Variants in SUGCT observed in about 807,000 individuals in gnomAD.
SUGCT encodes succinyl-CoA:glutarate CoA-transferase.
A neutral mutation model predicts 55.0 loss-of-function variants in SUGCT; 41 were observed. The observed-to-expected ratio is 0.74, with a 90% confidence interval of 0.58 to 0.97. SUGCT has a LOEUF of 0.97. SUGCT is among the 50% of genes least tolerant of loss of function. SUGCT has a pLI of 0.00. For missense variants in SUGCT, 568 were observed against 547.8 expected, an observed-to-expected ratio of 1.04 and a Z score of -0.37; for synonymous variants, 187 against 200.4, an observed-to-expected ratio of 0.93 and a Z score of 0.56.
intron 11 of SUGCT, among the ~76,000 whole-genome samples, chr7:40,491,683 A>G (rs1006863989): frequency 6.6e-6 from 1 of 152,100 alleles, no homozygotes; most frequent in South Asian, 2.1e-4. Flanking sequence ...CAAATATCCA[A>G]AGCAGTATTT....
chr7:40,763,272 A>G (rs1242899321), intron 13 of SUGCT, among the ~76,000 whole-genome samples: 1 of 152,142 alleles, frequency 6.6e-6, no homozygotes, highest in African/African-American at 2.4e-5. Context: ...GGAGTATTTA[A>G]TCAGCACATG....
At chr7:40,963,574 T>C in the SUGCT span, among the ~76,000 whole-genome samples, 10,110 of 152,282 alleles carry the variant, frequency 0.066, 372 homozygotes, top group South Asian at 0.16. Flanking sequence ...GAAAGCTCTG[T>C]TAAATTAAAT....
rs1460376386 is a variant in SUGCT, at chr7:40,326,457, G to A, written c.816+9602G>A. On this transcript the variant is annotated intron_variant, in intron 9 of 13. Coordinates refer to ENST00000335693, the MANE Select transcript of SUGCT (RefSeq NM_001193313.2). ...GAAAACTACCCATAGAAGCTTAGGG[G>A]CAGAGTAAATAAATAAACAGAGCTG... 3.9e-5 allele frequency among the ~76,000 whole-genome samples: 6 copies of A among 152,096 alleles called. 1 individual carries two copies. The highest frequency in any genetic ancestry group is 1.9e-4 in the East Asian group (1 of 5,188).
At chr7:40,445,167 T>C (rs1026565228) in intron 9 of SUGCT, among the ~76,000 whole-genome samples, 1 of 151,770 alleles carries the variant, frequency 6.6e-6, no homozygotes, top group Non-Finnish European at 1.5e-5. Context: ...CTGAAGGAGA[T>C]AGAGACACAA....
intron 9 of SUGCT, among the ~76,000 whole-genome samples, chr7:40,369,639 A>T (rs531387716): frequency 3.9e-5 from 6 of 152,236 alleles, no homozygotes; most frequent in Admixed American, 2.0e-4. Flanking sequence ...TCCCAATTAT[A>T]CCATTTAAGA....
intron 1 of SUGCT, among the ~76,000 whole-genome samples, chr7:40,155,284 C>CA (rs35923575): frequency 0.1 from 10,161 of 100,054 alleles, 1,048 homozygotes; most frequent in African/African-American, 0.3. Flanking sequence ...GACCCCATCT[C>CA]AAAAAAAAAA....
At chr7:40,305,042 CATT>C (rs1331757900) in intron 8 of SUGCT, among the ~76,000 whole-genome samples, 1 of 152,184 alleles carries the variant, frequency 6.6e-6, no homozygotes, top group Non-Finnish European at 1.5e-5. Flanking sequence ...AAGATTCCCT[CATT>C]GTTCCTTAAG....
rs192805443 is a variant in SUGCT, at chr7:40,368,230, G to A, written c.816+51375G>A. Among the ~76,000 whole-genome samples, 417 of 152,066 alleles carry A rather than the reference G, an allele frequency of 2.7e-3. 12 individuals carry two copies. The South Asian group carries it at 0.058, about 21-fold the overall frequency. Reference sequence around the variant, plus strand: ...TTATTTATTTTTGAGATGGAGTGTTGCACTGTCGCCTGGGCTGGAGTACAA... The same window carrying A: ...TTATTTATTTTTGAGATGGAGTGTTACACTGTCGCCTGGGCTGGAGTACAA... On this transcript the variant is annotated intron_variant, in intron 9 of 13. Coordinates refer to ENST00000335693, the MANE Select transcript of SUGCT (RefSeq NM_001193313.2).
At chr7:40,269,642 G>A (rs978651506) in intron 7 of SUGCT, among the ~76,000 whole-genome samples, 1 of 151,920 alleles carries the variant, frequency 6.6e-6, no homozygotes, top group Non-Finnish European at 1.5e-5. Context: ...TTAAAAAATG[G>A]GATTATTTGT....
chr7:40,543,774 C>G (rs1378882120), intron 12 of SUGCT, among the ~76,000 whole-genome samples: 1 of 152,134 alleles, frequency 6.6e-6, no homozygotes, highest in Non-Finnish European at 1.5e-5. Context: ...TTGTGATGTT[C>G]AAATGGAACT....
intron 9 of SUGCT, among the ~76,000 whole-genome samples, chr7:40,340,853 A>G (rs372698191): frequency 3.9e-5 from 6 of 152,232 alleles, no homozygotes; most frequent in African/African-American, 9.6e-5. Context: ...TGGAAACTCA[A>G]TGAATTCTTC....
intron 6 of SUGCT, among the ~76,000 whole-genome samples, chr7:40,198,861 G>T (rs939958499): frequency 2.6e-5 from 4 of 152,084 alleles, no homozygotes; most frequent in Non-Finnish European, 5.9e-5. Flanking sequence ...GCTGGGTATG[G>T]TGGGTGACTA....
intron 12 of SUGCT, among the ~76,000 whole-genome samples, chr7:40,673,841 T>C (rs1802059871): frequency 6.6e-6 from 1 of 152,232 alleles, no homozygotes; most frequent in Non-Finnish European, 1.5e-5. Context: ...ATTGTGACTT[T>C]GTACTGTTGG....
chr7:40,828,597 CAAG>C (rs1554430236), intron 13 of SUGCT, among the ~76,000 whole-genome samples: 2 of 143,678 alleles, frequency 1.4e-5, no homozygotes, highest in Non-Finnish European at 3.0e-5. Context: ...AAAAAAAACT[CAAG>C]AACACAATGT....
At chr7:40,596,598 A>G (rs751598603) in intron 12 of SUGCT, among the ~76,000 whole-genome samples, 10 of 152,130 alleles carry the variant, frequency 6.6e-5, no homozygotes, top group Admixed American at 1.3e-4. Flanking sequence ...GCCACACACT[A>G]TGTGGCAGGT....
chr7:41,017,286 A>G, the SUGCT span, among the ~76,000 whole-genome samples: 1 of 152,198 alleles, frequency 6.6e-6, no homozygotes, highest in African/African-American at 2.4e-5. Context: ...TCACGTCTCC[A>G]TATGAGCATG....
Position 40,478,892 on chromosome 7 carries a change from C to T in SUGCT, c.987-17392C>T, listed in dbSNP as rs78040946. 3.8e-3 allele frequency among the ~76,000 whole-genome samples: 578 copies of T among 151,986 alleles called. 3 individuals are homozygous for T. Among genetic ancestry groups the T allele is most frequent in the Admixed American group, 8.9e-3 (136 of 15,230 alleles). On this transcript the variant is annotated intron_variant, in intron 11 of 13. Transcript: ENST00000335693. ...CATATAATGTCAAATCAAATCGATT[C>T]GATATATATATGGAATTCCACATAT...
At chr7:40,242,160 C>CT (rs1491581885) in intron 7 of SUGCT, among the ~76,000 whole-genome samples, 1 of 149,626 alleles carries the variant, frequency 6.7e-6, no homozygotes, top group Non-Finnish European at 1.5e-5. Context: ...TTTTGACAAA[C>CT]TCTTTTTTTT....
chr7:40,312,204 T>C (rs554026662), intron 8 of SUGCT, among the ~76,000 whole-genome samples: 1 of 152,252 alleles, frequency 6.6e-6, no homozygotes, highest in Non-Finnish European at 1.5e-5. Flanking sequence ...CACGCCTGGC[T>C]AATTTTTTGT....
Sources: allele counts gnomAD v4.1 joint callset (sites outside exome capture counted in the v4.1 genomes callset), GRCh38; gene constraint gnomAD v4.1.1; transcripts MANE v1.5; gene names NCBI Gene and HGNC (gene_info 2026-07-23, HGNC 2026-07-21).